The following LRWD1 variants were observed in gnomAD, a reference collection of about 807,000 sequenced individuals.
The protein encoded by LRWD1 is leucine rich repeats and WD repeat domain containing 1.
A neutral mutation model predicts 75.6 loss-of-function variants in LRWD1; 76 were observed. That is an observed-to-expected ratio of 1.01 (90% CI 0.84 to 1.22). The LOEUF (loss-of-function observed/expected upper bound fraction) is 1.22. LRWD1 is among the 50% of genes most tolerant of loss of function. LRWD1 has a pLI of 0.00. For missense variants in LRWD1, 917 were observed against 862.0 expected, an observed-to-expected ratio of 1.06 and a Z score of -0.80; for synonymous variants, 487 against 377.0, an observed-to-expected ratio of 1.29 and a Z score of -3.38.
chr7:102,467,892 A>C, intron 5 of LRWD1, 69 bp downstream of exon 5: 1 of 1,521,670 alleles, frequency 6.6e-7, no homozygotes, highest in Non-Finnish European at 8.9e-7. Context: ...CAGGAGACCA[A>C]GGCGTCCTGG....
In LRWD1 at chr7:102,465,067, T is replaced by G; in HGVS notation, c.-14T>G. ...GGTGGCCGACTGGGTCAGCGCGGGC[T>G]GCGCCTCCTCGCCATGGGCCCCCTC... On this transcript the variant is annotated 5_prime_UTR_variant, in exon 1 of 15. Transcript: ENST00000292616. The G allele has an allele frequency of 6.8e-7, 1 of 1,479,742 alleles. No homozygotes were observed. Among genetic ancestry groups the G allele is most frequent in the Non-Finnish European group, 9.0e-7 (1 of 1,116,622 alleles). 91.7% of individuals were successfully genotyped at this position (1,479,742 alleles called of 1,614,324 possible). A position where few individuals can be genotyped will look rare whatever the true frequency, so the allele number is the denominator to read the frequency against.
At chr7:102,468,747 C>T in intron 8 of LRWD1, 93 bp downstream of exon 8, 4 of 1,525,212 alleles carry the variant, frequency 2.6e-6, no homozygotes, top group Non-Finnish European at 2.7e-6. Flanking sequence ...CCCCCTGCCC[C>T]ATGGCCTTTT....
At chr7:102,465,221 G>T in intron 1 of LRWD1, 61 bp downstream of exon 1, 4 of 1,360,880 alleles carry the variant, frequency 2.9e-6, no homozygotes, top group Non-Finnish European at 3.8e-6. Context: ...GGAGAAGAGC[G>T]GGGACCCTCC....
At chr7:102,472,845 G>T (rs1277459434) in intron 14 of LRWD1, 41 bp downstream of exon 14, 1 of 1,611,676 alleles carries the variant, frequency 6.2e-7, no homozygotes, top group East Asian at 2.2e-5. Context: ...GGCTGGCAAG[G>T]CATCAGGGGC....
rs758349960 is a variant in LRWD1 at position 102,473,093 on chromosome 7, A to C, written c.*44A>C. ...GACCAGGGACACAGCTAACTAACTT[A>C]TTCAGCTTTGGGCCGATGGGGGTGG... On this transcript the variant is annotated 3_prime_UTR_variant, in exon 15 of 15. Transcript: ENST00000292616. 2.2e-5 allele frequency: 33 copies of C among 1,515,666 alleles called. 1 individual carries two copies. Among genetic ancestry groups the C allele is most frequent in the Non-Finnish European group, 4.5e-6 (5 of 1,118,120 alleles). 93.9% of individuals were successfully genotyped at this position (1,515,666 alleles called of 1,614,324 possible). A position where few individuals can be genotyped will look rare whatever the true frequency, so the allele number is the denominator to read the frequency against.
rs999412968 is a variant in LRWD1, at chr7:102,468,622, A to T, written c.988A>T (p.Ile330Phe). The T allele has an allele frequency of 2.2e-5, 34 of 1,575,538 alleles. No individual in the cohort carries two copies. Among genetic ancestry groups the T allele is most frequent in the Non-Finnish European group, 2.8e-5 (33 of 1,160,444 alleles). ...AVCVIDCQTG[I>F]VLHKYKAPGE... ...GTGCGTAATTGATTGCCAGACGGGC[A>T]TCGTGCTCCACAAGTACAAGGCACC... is the stretch of plus-strand genomic sequence containing the variant. Residue 330 changes from isoleucine (I) to phenylalanine (F), a missense_variant, in exon 8 of 15, where the codon ATC (isoleucine) becomes TTC (phenylalanine). By Grantham distance (21) the Ile-to-Phe change is conservative. Coordinates refer to ENST00000292616, the MANE Select transcript of LRWD1 (RefSeq NM_152892.3).
intron 11 of LRWD1, chr7:102,470,621 G>A (rs1051992121): frequency 1.3e-5 from 2 of 152,432 alleles, no homozygotes; most frequent in Non-Finnish European, 2.9e-5. Context: ...GAAATGGTAC[G>A]TGCAAAGGTC....
chr7:102,468,431 A>G, intron 7 of LRWD1, 54 bp downstream of exon 7: 22 of 1,547,264 alleles, frequency 1.4e-5, no homozygotes, highest in Non-Finnish European at 1.8e-5. Context: ...GGCCGCCTGG[A>G]TGGGTGGGGG....
Position 102,468,430 on chromosome 7 carries a change from G to T in LRWD1, c.919+53G>T. The T allele has an allele frequency of 1.3e-6, 2 of 1,547,870 alleles. No homozygotes were observed. On this transcript the variant is annotated intron_variant, in intron 7 of 14. Transcript: ENST00000292616. ...GGGCCGCTGGAAATAGGGCCGCCTG[G>T]ATGGGTGGGGGATCAGGAGACAGAG...
chr7:102,467,920 A>G, intron 5 of LRWD1, 97 bp downstream of exon 5: 2 of 1,496,834 alleles, frequency 1.3e-6, no homozygotes, highest in South Asian at 2.5e-5. Flanking sequence ...CCCAGGAAGC[A>G]CCCCAGGTCC....
intron 7 of LRWD1, 23 bp from the exon 8 acceptor site, chr7:102,468,531 A>T (rs760162987): frequency 6.4e-7 from 1 of 1,556,140 alleles, no homozygotes; most frequent in African/African-American, 1.4e-5. Context: ...TGCTCATCCG[A>T]CCTCTCAAAA....
chr7:102,472,888 C>A, intron 14 of LRWD1, 21 bp from the exon 15 acceptor site: 1 of 1,612,626 alleles, frequency 6.2e-7, no homozygotes, highest in South Asian at 1.1e-5. Flanking sequence ...CCAGCCCAGC[C>A]CTCCCCTCTC....
In LRWD1 at chr7:102,468,854, G is replaced by A; in HGVS notation, c.1021-1G>A. 6.2e-7 allele frequency: 1 copy of A among 1,610,188 alleles called. No individual in the cohort carries two copies. The highest frequency in any genetic ancestry group is 8.5e-7 in the Non-Finnish European group (1 of 1,179,202). ...GACTGTTTACTCTAACCCCCGCCCA[G>A]GAGTTCTTTTCTGTGGCCTGGACCG... On this transcript the variant is annotated splice_acceptor_variant, in intron 8 of 14. Coordinates refer to ENST00000292616, the MANE Select transcript of LRWD1 (RefSeq NM_152892.3). LOFTEE classifies it high-confidence loss of function.
At position 102,468,799 on chromosome 7, in the gene LRWD1, G is replaced by A. The variant is rs903479148; in HGVS notation, c.1021-56G>A. 6.4e-5 allele frequency: 101 copies of A among 1,586,048 alleles called. No individual in the cohort carries two copies. The Middle Eastern group carries it at 1.3e-3, about 21-fold the overall frequency. On this transcript the variant is annotated intron_variant, in intron 8 of 14. Coordinates refer to ENST00000292616, the MANE Select transcript of LRWD1 (RefSeq NM_152892.3). ...TCCCTCCCCCAGGCCCGGGCTACCC[G>A]CGTGTTCACACCAATAGCTCTGCCC...
At position 102,472,748 on chromosome 7, in the gene LRWD1, A is replaced by C. The variant is rs748602816; in HGVS notation, c.1747A>C (p.Ser583Arg). The C allele has an allele frequency of 6.2e-7, 1 of 1,613,494 alleles. No individual in the cohort carries two copies. Among genetic ancestry groups the C allele is most frequent in the Non-Finnish European group, 8.5e-7 (1 of 1,179,950 alleles). The change falls in exon 14 of 15, where the codon AGC (serine) becomes CGC (arginine). Residue 583 changes from serine (S) to arginine (R), a missense_variant. Coordinates refer to ENST00000292616, the MANE Select transcript of LRWD1 (RefSeq NM_152892.3). ...GGGCAACGTGTGGCTCTACGACGTCAGCAACATCCTGAAGCAGCCACCCCT... is the reference window on the plus strand; with the variant it reads ...GGGCAACGTGTGGCTCTACGACGTCCGCAACATCCTGAAGCAGCCACCCCT... ...EEGNVWLYDV[S>R]NILKQPPLLP...
intron 3 of LRWD1, among the ~76,000 whole-genome samples, 157 bp downstream of exon 3, chr7:102,466,427 T>C (rs1376143230): frequency 1.4e-4 from 21 of 152,096 alleles, no homozygotes; most frequent in Non-Finnish European, 5.9e-5. Context: ...TATTTATTTA[T>C]TTTTTGAGAT....
rs1563652994 is a variant in LRWD1 at position 102,465,976 on chromosome 7, G to A, written c.240G>A (p.Gln80=). 1 of 1,613,974 alleles carries A rather than the reference G, an allele frequency of 6.2e-7. No homozygotes were observed. Among genetic ancestry groups the A allele is most frequent in the Non-Finnish European group, 8.5e-7 (1 of 1,180,022 alleles). Residue 80 remains glutamine (Q), a synonymous_variant, in exon 2 of 15, where the codon CAG becomes CAA. Coordinates refer to ENST00000292616, the MANE Select transcript of LRWD1 (RefSeq NM_152892.3). ...GTGTCCTCCGCTGCGCCAACAACCA[G>A]CTGGGGGATGTTACTGCCTTGTGCC... The part of the protein sequence containing the change: ...HLRVLRCANN[Q]LGDVTALCQF...
At chr7:102,467,172 G>GTGTGTGTGTATGTA (rs767321709) in intron 3 of LRWD1, among the ~76,000 whole-genome samples, 167 bp from the exon 4 acceptor site, 2 of 23,536 alleles carry the variant, frequency 8.5e-5, no homozygotes, top group Non-Finnish European at 2.1e-4. Flanking sequence ...TGTGTGTGGG[G>GTGTGTGTGTATGTA]TGTGTGTGTG....
Position 102,468,974 on chromosome 7 carries a change from T to G in LRWD1, c.1140T>G (p.Arg380=). ...LRGLVRLLHV[R]AGFCCGVIRA... ...GCCTGGTCCGGCTGCTGCACGTGCG[T>G]GCCGGCTTCTGCTGCGGGGTCATCC... The change falls in exon 9 of 15, where the codon CGT becomes CGG. Residue 380 remains arginine, a synonymous_variant. Transcript: ENST00000292616. 6.2e-7 allele frequency: 1 copy of G among 1,612,642 alleles called. No homozygotes were observed. The highest frequency in any genetic ancestry group is 8.5e-7 in the Non-Finnish European group (1 of 1,179,832).
Sources: allele counts gnomAD v4.1 joint callset (sites outside exome capture counted in the v4.1 genomes callset), GRCh38; gene constraint gnomAD v4.1.1; transcripts MANE v1.5; gene names NCBI Gene and HGNC (gene_info 2026-07-23, HGNC 2026-07-21).